The following PIAS1 variants were observed in gnomAD, a reference collection of about 807,000 sequenced individuals.
PIAS1 encodes protein inhibitor of activated STAT 1, also known as E3 SUMO-protein ligase PIAS1.
Under a neutral mutation model 71.3 loss-of-function variants are expected in PIAS1, and 6 were observed. The ratio of observed to expected loss-of-function variants is 0.08; its 90% confidence interval spans 0.05 to 0.17. PIAS1 has a LOEUF of 0.17. Among genes scored for constraint, PIAS1 ranks in the 10% least tolerant of loss-of-function variants. The pLI is 1.00. For synonymous variants in PIAS1, 303 were observed against 292.9 expected (o/e 1.03, Z -0.35); for missense variants, 555 against 793.6 (o/e 0.70, Z 3.61).
At chr15:68,126,337 C>G (rs1194516438) in intron 2 of PIAS1, among the ~76,000 whole-genome samples, 1 of 152,170 alleles carries the variant, frequency 6.6e-6, no homozygotes, top group Non-Finnish European at 1.5e-5. Context: ...TATTGTCCAG[C>G]CTGTCTATTG....
intron 2 of PIAS1, among the ~76,000 whole-genome samples, chr15:68,118,099 C>T (rs1312667941): frequency 6.6e-6 from 1 of 151,856 alleles, no homozygotes; most frequent in East Asian, 1.9e-4. Context: ...GGCCGAGGAG[C>T]GGGGCAGATC....
chr15:68,142,375 A>T (rs756965622), intron 4 of PIAS1, 38 bp downstream of exon 4: 2 of 1,407,804 alleles, frequency 1.4e-6, no homozygotes, highest in South Asian at 2.3e-5. Context: ...AAAGTTTAAA[A>T]GATAATATTC....
chr15:68,153,439 G>A, intron 6 of PIAS1, 151 bp from the exon 7 acceptor site: 2 of 519,552 alleles, frequency 3.8e-6, no homozygotes, highest in Non-Finnish European at 3.4e-6. Flanking sequence ...AGGATTAAAT[G>A]AATTACTGTT....
At chr15:68,116,886 T>A (rs918771036) in intron 2 of PIAS1, among the ~76,000 whole-genome samples, 2 of 152,198 alleles carry the variant, frequency 1.3e-5, no homozygotes, top group South Asian at 4.1e-4. Flanking sequence ...TTTCCTGATA[T>A]AGTTCTTGTT....
At chr15:68,089,595 C>T (rs190400952) in intron 2 of PIAS1, among the ~76,000 whole-genome samples, 2 of 152,294 alleles carry the variant, frequency 1.3e-5, no homozygotes. Flanking sequence ...CATTCTGTAG[C>T]CCAGGCTGGA....
intron 6 of PIAS1, among the ~76,000 whole-genome samples, chr15:68,152,049 A>G (rs370973240): frequency 1.2e-4 from 17 of 137,604 alleles, no homozygotes; most frequent in African/African-American, 4.7e-4. Flanking sequence ...TCCCAGGCTC[A>G]CGCCATTCTC....
chr15:68,157,144 A>G (rs2092896039), intron 7 of PIAS1, among the ~76,000 whole-genome samples: 2 of 152,178 alleles, frequency 1.3e-5, no homozygotes, highest in East Asian at 3.8e-4. Context: ...CTGTGTTGAA[A>G]AGATCAGATT....
intron 1 of PIAS1, among the ~76,000 whole-genome samples, chr15:68,067,266 C>T (rs775855696): frequency 7.2e-5 from 11 of 152,132 alleles, no homozygotes; most frequent in Non-Finnish European, 1.3e-4. Context: ...TTCAGATTTT[C>T]TAACAGCCCC....
At position 68,086,886 on chromosome 15, in the gene PIAS1, T is replaced by C. The variant is rs1378864524; in HGVS notation, c.469+136T>C. 1.9e-5 allele frequency: 11 copies of C among 583,158 alleles called. No individual in the cohort carries two copies. The highest frequency in any genetic ancestry group is 1.7e-4 in the East Asian group (6 of 35,922). 36.1% of individuals were successfully genotyped at this position (583,158 alleles called of 1,614,324 possible). A position where few individuals can be genotyped will look rare whatever the true frequency, so the allele number is the denominator to read the frequency against. ...ACAGCTGGATAATAATGAAGATCTT[T>C]CAAATTTAGATAAAATCAAATATAT... On this transcript the variant is annotated intron_variant, in intron 2 of 13. Coordinates refer to ENST00000249636, the MANE Select transcript of PIAS1 (RefSeq NM_016166.3). The surrounding 1 kb of genome is among the most constrained non-coding windows in gnomAD (Gnocchi z 7.2).
intron 7 of PIAS1, among the ~76,000 whole-genome samples, chr15:68,158,232 A>G (rs919562771): frequency 1.6e-4 from 25 of 152,084 alleles, no homozygotes; most frequent in Admixed American, 3.3e-4. Flanking sequence ...TAAACTTTCC[A>G]TGACGTGGCA....
At chr15:68,100,100 A>G (rs1164561184) in intron 2 of PIAS1, among the ~76,000 whole-genome samples, 27 of 42,084 alleles carry the variant, frequency 6.4e-4, no homozygotes, top group South Asian at 1.6e-3. Flanking sequence ...TTCTTCGGGA[A>G]AAAAAAAAAA....
chr15:68,064,200 TAAAC>T (rs767816570), intron 1 of PIAS1, among the ~76,000 whole-genome samples: 21 of 152,238 alleles, frequency 1.4e-4, no homozygotes, highest in Middle Eastern at 3.4e-3. Context: ...TTCATGAAAA[TAAAC>T]AAAGTGTGCC....
intron 2 of PIAS1, among the ~76,000 whole-genome samples, chr15:68,111,137 A>G (rs6416488): frequency 0.99 from 151,456 of 152,302 alleles, 75,316 homozygotes; most frequent in Middle Eastern, 1. Flanking sequence ...TTAATCTGTC[A>G]CTAATGGATG....
intron 7 of PIAS1, among the ~76,000 whole-genome samples, chr15:68,159,293 C>T (rs1313853017): frequency 1.3e-5 from 2 of 152,068 alleles, no homozygotes; most frequent in Non-Finnish European, 2.9e-5. Context: ...TTTCTTCATA[C>T]TTTCTTATGA....
intron 7 of PIAS1, among the ~76,000 whole-genome samples, chr15:68,160,367 G>A (rs767298681): frequency 6.6e-6 from 1 of 152,108 alleles, no homozygotes; most frequent in Non-Finnish European, 1.5e-5. Flanking sequence ...TGAAAAGACT[G>A]TCTTTCCTTC....
At chr15:68,113,338 A>G (rs2092538441) in intron 2 of PIAS1, among the ~76,000 whole-genome samples, 1 of 152,228 alleles carries the variant, frequency 6.6e-6, no homozygotes, top group Non-Finnish European at 1.5e-5. Context: ...CATTAACAAC[A>G]ACAAAAAAAG....
At chr15:68,093,261 G>A (rs1188459001) in intron 2 of PIAS1, among the ~76,000 whole-genome samples, 2 of 152,142 alleles carry the variant, frequency 1.3e-5, no homozygotes, top group African/African-American at 2.4e-5. Context: ...TTACATTTTA[G>A]CAGCTTTTGT....
chr15:68,089,983 A>C (rs2092319681), intron 2 of PIAS1, among the ~76,000 whole-genome samples: 1 of 151,850 alleles, frequency 6.6e-6, no homozygotes, highest in Admixed American at 6.6e-5. Context: ...CGGCTGAAGC[A>C]GTTCTGCCAC....
At chr15:68,172,221 T>C (rs569730464) in intron 8 of PIAS1, among the ~76,000 whole-genome samples, 54 of 152,338 alleles carry the variant, frequency 3.5e-4, no homozygotes, top group African/African-American at 1.0e-3. Flanking sequence ...GCTTCATCCA[T>C]GTCCCTGCAA....
Sources: gnomAD v4.1 joint callset for allele counts (sites outside exome capture counted in the v4.1 genomes callset) on GRCh38, gnomAD v4.1.1 for gene constraint, Gnocchi (gnomAD v3.1) non-coding constraint, MANE v1.5 for transcripts, NCBI Gene and HGNC (gene_info 2026-07-23, HGNC 2026-07-21) for gene names.